Variants in TEX14 observed in about 807,000 individuals in gnomAD.
TEX14 encodes inactive serine/threonine-protein kinase TEX14.
In TEX14, 168 loss-of-function variants were observed where a neutral mutation model predicts 178.6. The observed-to-expected ratio is 0.94, with a 90% CI of 0.83 to 1.07. The LOEUF is 1.07. Ranked by LOEUF, TEX14 falls within the 50% of genes least tolerant of loss-of-function variation. The pLI, the probability that TEX14 is intolerant of heterozygous loss-of-function variation, is 0.00. For synonymous variants in TEX14, 626 were observed against 634.1 expected, an observed-to-expected ratio of 0.99 and a Z score of 0.19; for missense variants, 1,730 against 1,753.6, an observed-to-expected ratio of 0.99 and a Z score of 0.24.
intron 12 of TEX14, 46 bp from the exon 13 acceptor site, chr17:58,602,002 G>T: frequency 6.3e-7 from 1 of 1,595,154 alleles, no homozygotes; most frequent in African/African-American, 1.3e-5. Flanking sequence ...CAGTCATCCT[G>T]AATGTCACTG....
intron 23 of TEX14, among the ~76,000 whole-genome samples, chr17:58,572,813 T>C (rs957936137): frequency 7.2e-5 from 11 of 152,228 alleles, no homozygotes; most frequent in African/African-American, 2.2e-4. Context: ...TATTTGATGC[T>C]GGTTGCATAT....
chr17:58,656,965 G>A (rs997798162), intron 1 of TEX14, among the ~76,000 whole-genome samples: 1 of 149,524 alleles, frequency 6.7e-6, no homozygotes, highest in Non-Finnish European at 1.5e-5. Context: ...AGAAAATTGG[G>A]TTTTATTTAT....
intron 16 of TEX14, 81 bp from the exon 17 acceptor site, chr17:58,587,747 C>T: frequency 3.3e-6 from 4 of 1,203,586 alleles, no homozygotes; most frequent in Non-Finnish European, 4.9e-6. Context: ...TTGACAGAAC[C>T]AAAAGCCCAC....
chr17:58,593,612 T>C lies in TEX14; in HGVS notation c.2519A>G (p.Gln840Arg). The C allele has an allele frequency of 6.2e-7, 1 of 1,614,198 alleles. No individual in the cohort carries two copies. Among genetic ancestry groups the C allele is most frequent in the Non-Finnish European group, 8.5e-7 (1 of 1,180,030 alleles). Residue 840 changes from glutamine (Q) to arginine (R), a missense_variant, in exon 15 of 32, where the codon CAG (glutamine) becomes CGG (arginine). Around this residue, in one of 2 missense-constraint regions of TEX14, gnomAD observed 941 missense variants for 1,072.4 expected, o/e 0.88. Coordinates refer to ENST00000349033, the MANE Select transcript of TEX14 (RefSeq NM_031272.5). ...ACTGTCCTTGGCTCCTTGAGTGCAC[T>C]GAAATTGTTCATCTGTGTTCTGTTT... ...PGKQNTDEQF[Q>R]CTQGAKDSLE...
intron 1 of TEX14, among the ~76,000 whole-genome samples, chr17:58,654,484 A>G (rs185860081): frequency 4.6e-4 from 66 of 143,400 alleles, no homozygotes; most frequent in Non-Finnish European, 7.6e-4. Flanking sequence ...GAAGCTTTGG[A>G]AAAAAAAAAA....
At chr17:58,685,174 C>A (rs901742868) in intron 1 of TEX14, among the ~76,000 whole-genome samples, 2 of 151,672 alleles carry the variant, frequency 1.3e-5, no homozygotes, top group African/African-American at 4.8e-5. Context: ...TTTTGAAGGA[C>A]CTGTTTTGAA....
intron 10 of TEX14, among the ~76,000 whole-genome samples, chr17:58,607,181 T>C (rs892689854): frequency 6.6e-6 from 1 of 152,128 alleles, no homozygotes; most frequent in Admixed American, 6.6e-5. Flanking sequence ...CTACTTTGGG[T>C]TGGTGAATAA....
intron 30 of TEX14, among the ~76,000 whole-genome samples, chr17:58,558,909 C>A (rs2044213011): frequency 6.6e-6 from 1 of 152,124 alleles, no homozygotes; most frequent in Non-Finnish European, 1.5e-5. Flanking sequence ...GTGGCTCACA[C>A]CTGTAATCCC....
At chr17:58,582,859 C>A (rs1317655082) in intron 19 of TEX14, among the ~76,000 whole-genome samples, 1 of 151,884 alleles carries the variant, frequency 6.6e-6, no homozygotes, top group Non-Finnish European at 1.5e-5. Context: ...CCACCGCGAC[C>A]GGCCTGCAAA....
chr17:58,639,953 A>C (rs2144607496), intron 2 of TEX14, among the ~76,000 whole-genome samples: 1 of 152,242 alleles, frequency 6.6e-6, no homozygotes, highest in Admixed American at 6.5e-5. Flanking sequence ...TAAGATAAAG[A>C]TGTTTGGTGA....
At chr17:58,627,385 G>T (rs950276297) in intron 3 of TEX14, among the ~76,000 whole-genome samples, 3 of 151,946 alleles carry the variant, frequency 2.0e-5, no homozygotes, top group African/African-American at 4.9e-5. Flanking sequence ...TTACTGAACA[G>T]AATTATACTG....
rs953099079 is a variant in TEX14 at position 58,599,546 on chromosome 17, G to A, written c.1799C>T (p.Ala600Val). The change falls in exon 14 of 32, where the codon GCT becomes GTT. Residue 600 changes from alanine (A) to valine (V), a missense_variant. This residue lies in a region of TEX14 where 941 missense variants were observed against 1,072.4 expected (regional missense o/e 0.88). Coordinates refer to ENST00000349033, the MANE Select transcript of TEX14 (RefSeq NM_031272.5). ...GCTGGCCTCTTCTGCCATAAATGGA[G>A]CAGGGCAAGGAGCATCTTGATTCTG... ...ETQNQDAPCP[A>V]PFMAEEASSP... 4 of 1,613,948 alleles carry A rather than the reference G, an allele frequency of 2.5e-6. No homozygotes were observed. The highest frequency in any genetic ancestry group is 2.7e-5 in the African/African-American group (2 of 74,868).
At chr17:58,663,098 G>C (rs1035017099) in intron 1 of TEX14, among the ~76,000 whole-genome samples, 1 of 136,110 alleles carries the variant, frequency 7.3e-6, no homozygotes, top group Non-Finnish European at 1.6e-5. Context: ...GACAGAGTGA[G>C]ACTCCGTCTC....
intron 1 of TEX14, chr17:58,660,656 G>A (rs1237917644): frequency 1.3e-6 from 1 of 785,678 alleles, no homozygotes; most frequent in Non-Finnish European, 2.4e-6. Flanking sequence ...TCTTTGGAGT[G>A]TTTGTTCATC....
intron 10 of TEX14, among the ~76,000 whole-genome samples, chr17:58,606,242 G>A (rs1271882660): frequency 6.6e-6 from 1 of 152,132 alleles, no homozygotes; most frequent in Non-Finnish European, 1.5e-5. Context: ...GCCCACAGCT[G>A]TCATGACAGT....
At chr17:58,577,058 C>T (rs2044695412) in intron 21 of TEX14, among the ~76,000 whole-genome samples, 2 of 152,194 alleles carry the variant, frequency 1.3e-5, no homozygotes, top group South Asian at 2.1e-4. Context: ...TATATTATTA[C>T]TTTAAGTTCC....
intron 24 of TEX14, 147 bp downstream of exon 24, chr17:58,571,774 A>C (rs1264352071): frequency 3.1e-6 from 2 of 651,078 alleles, no homozygotes; most frequent in Non-Finnish European, 5.3e-6. Flanking sequence ...CATAATATAG[A>C]CTCAAGAGAG....
chr17:58,656,122 G>T lies in TEX14; in HGVS notation c.-1-4120C>A, dbSNP rs576377043. 3.3e-5 allele frequency among the ~76,000 whole-genome samples: 5 copies of T among 151,954 alleles called. No individual in the cohort carries two copies. The South Asian group carries it at 1.0e-3, about 32-fold the overall frequency. On this transcript the variant is annotated intron_variant, in intron 1 of 31. Coordinates refer to ENST00000349033, the MANE Select transcript of TEX14 (RefSeq NM_031272.5). ...TTGAGACCAGCCTGGGCAACACGGCGAAATGCTGTCTCTACAAAAAGTACG... is the reference window on the plus strand; with the variant it reads ...TTGAGACCAGCCTGGGCAACACGGCTAAATGCTGTCTCTACAAAAAGTACG...
In TEX14 at chr17:58,578,815, T is replaced by C. The variant is rs573978003; in HGVS notation, c.3238+850A>G. Among the ~76,000 whole-genome samples the C allele has an allele frequency of 5.3e-5, 8 of 152,298 alleles. No individual in the cohort carries two copies. The South Asian group carries it at 1.7e-3, about 32-fold the overall frequency. ...AAAAGCTTACAGCTTCTTAAAATGC[T>C]CCCAACTCTGGCAGGGGCCTTCACA... On this transcript the variant is annotated intron_variant, in intron 20 of 31. Coordinates refer to ENST00000349033, the MANE Select transcript of TEX14 (RefSeq NM_031272.5).
Sources: allele counts gnomAD v4.1 joint callset (sites outside exome capture counted in the v4.1 genomes callset), GRCh38; gene constraint gnomAD v4.1.1; regional missense constraint gnomAD v4.1.1; transcripts MANE v1.5; gene names NCBI Gene and HGNC (gene_info 2026-07-23, HGNC 2026-07-21).